DCC: variants seen among roughly 807,000 people sequenced by gnomAD.
The protein encoded by DCC is netrin receptor DCC.
DCC carries 58 observed loss-of-function variants against 172.5 expected under a neutral mutation model. The observed-to-expected ratio is 0.34, with a 90% CI of 0.27 to 0.42. The LOEUF (loss-of-function observed/expected upper bound fraction) is 0.42, where lower values mean the gene tolerates loss of function less well. Ranked by LOEUF, DCC falls within the 10% of genes least tolerant of loss-of-function variation. DCC has a pLI of 1.00. For synonymous variants in DCC, 709 were observed against 644.5 expected (o/e 1.10, Z -1.52); for missense variants, 1,740 against 1,791.0 (o/e 0.97, Z 0.51).
intron 7 of DCC, among the ~76,000 whole-genome samples, chr18:53,146,033 A>G (rs1031228271): frequency 6.6e-6 from 1 of 152,018 alleles, no homozygotes; most frequent in African/African-American, 2.4e-5. Context: ...CAGGAGTTTG[A>G]CCAGCCTGGC....
At chr18:53,020,615 C>A (rs2041866742) in intron 5 of DCC, among the ~76,000 whole-genome samples, 1 of 152,054 alleles carries the variant, frequency 6.6e-6, no homozygotes, top group South Asian at 2.1e-4. Context: ...TCCAATTAGC[C>A]TTGGATGAAC....
At chr18:53,238,606 T>C (rs1215675112) in intron 12 of DCC, among the ~76,000 whole-genome samples, 1 of 151,996 alleles carries the variant, frequency 6.6e-6, no homozygotes, top group Non-Finnish European at 1.5e-5. Flanking sequence ...ATTTCAGGGG[T>C]CCCTTTACTT....
intron 1 of DCC, among the ~76,000 whole-genome samples, chr18:52,516,662 A>C (rs1439611900): frequency 2.0e-5 from 3 of 152,274 alleles, no homozygotes; most frequent in Non-Finnish European, 4.4e-5. Flanking sequence ...ATACTGTCAT[A>C]TACATCAAAG....
At chr18:53,100,816 CT>C (rs1459342601) in intron 7 of DCC, among the ~76,000 whole-genome samples, 1 of 151,700 alleles carries the variant, frequency 6.6e-6, no homozygotes, top group African/African-American at 2.4e-5. Flanking sequence ...CCAAGGAAAG[CT>C]TGCAAAAAAA....
intron 1 of DCC, among the ~76,000 whole-genome samples, chr18:52,429,281 T>G (rs759396168): frequency 6.6e-6 from 1 of 152,102 alleles, no homozygotes; most frequent in African/African-American, 2.4e-5. Flanking sequence ...TCAGGCAAGT[T>G]GTATAAATTG....
chr18:53,036,490 T>C (rs2042094204), intron 5 of DCC, among the ~76,000 whole-genome samples: 1 of 152,078 alleles, frequency 6.6e-6, no homozygotes, highest in South Asian at 2.1e-4. Context: ...ATATCTGATT[T>C]TGCAACTTTC....
intron 1 of DCC, among the ~76,000 whole-genome samples, chr18:52,684,790 T>A (rs1406768998): frequency 2.6e-5 from 4 of 152,138 alleles, no homozygotes; most frequent in Admixed American, 2.6e-4. Context: ...GATCTTCAAG[T>A]GTACAGGTGG....
intron 1 of DCC, among the ~76,000 whole-genome samples, chr18:52,415,228 G>A (rs917653923): frequency 3.3e-5 from 5 of 152,070 alleles, no homozygotes; most frequent in African/African-American, 1.2e-4. Context: ...AATATCATCT[G>A]GCATAAAAAG....
intron 12 of DCC, among the ~76,000 whole-genome samples, chr18:53,271,252 T>A (rs1209008175): frequency 6.6e-6 from 1 of 152,140 alleles, no homozygotes; most frequent in African/African-American, 2.4e-5. Flanking sequence ...GATGAGATAT[T>A]TAAAGGAGGT....
At chr18:53,244,218 A>G (rs2056339474) in intron 12 of DCC, among the ~76,000 whole-genome samples, 1 of 152,118 alleles carries the variant, frequency 6.6e-6, no homozygotes, top group South Asian at 2.1e-4. Context: ...TATAAATCTG[A>G]AAAATATTTC....
chr18:52,576,765 G>A (rs1413370663), intron 1 of DCC, among the ~76,000 whole-genome samples: 1 of 150,412 alleles, frequency 6.6e-6, no homozygotes, highest in Non-Finnish European at 1.5e-5. Flanking sequence ...GGGAGGCAGA[G>A]CTTGCAGTAA....
chr18:53,472,681 C>T (rs1040411753), intron 25 of DCC, among the ~76,000 whole-genome samples: 1 of 152,106 alleles, frequency 6.6e-6, no homozygotes, highest in African/African-American at 2.4e-5. Flanking sequence ...TTCTTTGTGA[C>T]TTCACATCTA....
intron 27 of DCC, among the ~76,000 whole-genome samples, chr18:53,521,318 A>T (rs556104801): frequency 6.6e-6 from 1 of 152,220 alleles, no homozygotes; most frequent in South Asian, 2.1e-4. Context: ...AGTTTGAGGG[A>T]TGGTAGTCTT....
chr18:53,410,176 T>A (rs758031362), intron 19 of DCC, among the ~76,000 whole-genome samples: 2 of 152,198 alleles, frequency 1.3e-5, no homozygotes, highest in African/African-American at 2.4e-5. Flanking sequence ...AAACTAATAA[T>A]CAGGATTTAT....
intron 7 of DCC, among the ~76,000 whole-genome samples, chr18:53,119,481 A>G (rs1327191808): frequency 1.3e-5 from 2 of 151,812 alleles, no homozygotes; most frequent in African/African-American, 4.8e-5. Flanking sequence ...GAGACTGAAA[A>G]TGAGATCAGG....
chr18:53,228,367 T>C (rs1344830224), intron 12 of DCC, among the ~76,000 whole-genome samples: 2 of 152,188 alleles, frequency 1.3e-5, no homozygotes, highest in African/African-American at 4.8e-5. Context: ...CTTGGATTAT[T>C]TCTTTCATTA....
rs759390661 is a variant in DCC at position 53,157,517 on chromosome 18, G to GTGA, written c.1418+8_1418+10dup. On this transcript the variant is annotated splice_donor_region_variant and intron_variant, in intron 8 of 28. Transcript: ENST00000442544. ...CTCCAGAGAAGGTGACAACAGGTAG[G>GTGA]TGATGCTACCAATAAAATTCAGCTT... The GTGA allele has an allele frequency of 6.2e-7, 1 of 1,613,764 alleles. No homozygotes were observed. The highest frequency in any genetic ancestry group is 1.1e-5 in the South Asian group (1 of 91,074).
chr18:53,522,756 A>T (rs2046413901), intron 27 of DCC, among the ~76,000 whole-genome samples: 2 of 152,312 alleles, frequency 1.3e-5, no homozygotes, highest in Non-Finnish European at 2.9e-5. Flanking sequence ...CCTTATACAA[A>T]AATTAACTCA....
intron 1 of DCC, among the ~76,000 whole-genome samples, chr18:52,612,654 T>A (rs2144843121): frequency 6.6e-6 from 1 of 152,338 alleles, no homozygotes; most frequent in Admixed American, 6.5e-5. Flanking sequence ...CATACTTGTC[T>A]TATTTTATTA....
Sources: allele counts gnomAD v4.1 joint callset (sites outside exome capture counted in the v4.1 genomes callset), GRCh38; gene constraint gnomAD v4.1.1; transcripts MANE v1.5; gene names NCBI Gene and HGNC (gene_info 2026-07-23, HGNC 2026-07-21).